Variants in PALM2AKAP2 observed in about 807,000 individuals in gnomAD.
PALM2AKAP2 encodes the protein PALM2-AKAP2 fusion protein.
Under a neutral mutation model 71.5 loss-of-function variants are expected in PALM2AKAP2, and 37 were observed. The ratio of observed to expected loss-of-function variants is 0.52; its 90% confidence interval spans 0.40 to 0.68. PALM2AKAP2 has a LOEUF of 0.68. Ranked by LOEUF, PALM2AKAP2 falls within the 30% of genes least tolerant of loss-of-function variation. The probability of loss-of-function intolerance (pLI) is 0.00; values close to 1 mark genes in which losing one functional copy is unlikely to be tolerated. For synonymous variants in PALM2AKAP2, 468 were observed against 478.8 expected, an observed-to-expected ratio of 0.98 and a Z score of 0.29; for missense variants, 1,224 against 1,191.8, an observed-to-expected ratio of 1.03 and a Z score of -0.40.
At chr9:109,698,504 C>G (rs1828006539) in intron 1 of PALM2AKAP2, among the ~76,000 whole-genome samples, 1 of 152,130 alleles carries the variant, frequency 6.6e-6, no homozygotes, top group Non-Finnish European at 1.5e-5. Context: ...GTCTTGAACC[C>G]CTGACCTCAA....
chr9:110,026,013 C>T (rs989157309), intron 7 of PALM2AKAP2, among the ~76,000 whole-genome samples: 2 of 152,162 alleles, frequency 1.3e-5, no homozygotes, highest in Admixed American at 6.6e-5. Flanking sequence ...CTCTCCACCA[C>T]TACGTCCCTC....
intron 1 of PALM2AKAP2, among the ~76,000 whole-genome samples, chr9:110,123,504 A>C (rs929404459): frequency 1.3e-5 from 2 of 152,162 alleles, no homozygotes; most frequent in Non-Finnish European, 2.9e-5. Flanking sequence ...TCTCCAAATA[A>C]GGTCACATTC....
chr9:109,720,350 G>A (rs928214320), intron 1 of PALM2AKAP2, among the ~76,000 whole-genome samples: 2 of 152,148 alleles, frequency 1.3e-5, no homozygotes, highest in Admixed American at 6.5e-5. Context: ...GGGAACAGAT[G>A]ATGTGAAGGG....
intron 1 of PALM2AKAP2, among the ~76,000 whole-genome samples, chr9:109,683,454 G>T (rs1357580542): frequency 6.6e-6 from 1 of 152,150 alleles, no homozygotes; most frequent in Non-Finnish European, 1.5e-5. Flanking sequence ...AGAAAGGATT[G>T]CTAACCTCCA....
chr9:110,051,318 G>A (rs1215647733), intron 1 of PALM2AKAP2, among the ~76,000 whole-genome samples: 3 of 152,152 alleles, frequency 2.0e-5, no homozygotes, highest in Admixed American at 6.5e-5. Flanking sequence ...TCTTAACTTC[G>A]TTGTCAAATG....
At chr9:109,962,642 A>AT (rs397894684) in intron 6 of PALM2AKAP2, among the ~76,000 whole-genome samples, 2,100 of 142,896 alleles carry the variant, frequency 0.015, 19 homozygotes, top group African/African-American at 0.03. Context: ...AACTGTGCCA[A>AT]TTTTTTTTTT....
chr9:109,911,819 T>C lies in PALM2AKAP2; in HGVS notation c.258-11916T>C, dbSNP rs564234914. ...AGGTACAGTAACACAAAATATATAG[T>C]CCTATCTCTTAATAAGCCTGCACTT... On this transcript the variant is annotated intron_variant, in intron 3 of 9. Coordinates refer to the PALM2AKAP2 transcript ENST00000302798. 1.5e-3 allele frequency among the ~76,000 whole-genome samples: 221 copies of C among 151,228 alleles called. 2 individuals are homozygous for C. The South Asian group carries it at 0.023, about 16-fold the overall frequency.
chr9:109,688,166 G>A (rs751193913), intron 1 of PALM2AKAP2, among the ~76,000 whole-genome samples: 23 of 152,238 alleles, frequency 1.5e-4, no homozygotes, highest in Non-Finnish European at 2.8e-4. Flanking sequence ...ATGCGACATA[G>A]AGACACGAAG....
At chr9:109,971,912 C>G (rs969291237) in intron 6 of PALM2AKAP2, among the ~76,000 whole-genome samples, 2 of 152,126 alleles carry the variant, frequency 1.3e-5, no homozygotes, top group African/African-American at 2.4e-5. Flanking sequence ...AACTCCTGCC[C>G]GTTGAAAGAT....
intron 6 of PALM2AKAP2, among the ~76,000 whole-genome samples, chr9:109,969,811 C>T (rs1273602382): frequency 1.3e-5 from 2 of 151,528 alleles, no homozygotes; most frequent in Non-Finnish European, 2.9e-5. Flanking sequence ...GTGCAGCCTA[C>T]AGCCCCTCCC....
intron 1 of PALM2AKAP2, among the ~76,000 whole-genome samples, chr9:109,657,596 G>T (rs901870070): frequency 1.3e-5 from 2 of 152,046 alleles, no homozygotes; most frequent in African/African-American, 2.4e-5. Context: ...TACCCATACT[G>T]TGTAAACACA....
At chr9:109,751,166 A>T (rs1398896998) in intron 1 of PALM2AKAP2, among the ~76,000 whole-genome samples, 1 of 152,192 alleles carries the variant, frequency 6.6e-6, no homozygotes, top group African/African-American at 2.4e-5. Context: ...AAATGTCTAA[A>T]CTGAGTGGGG....
intron 1 of PALM2AKAP2, among the ~76,000 whole-genome samples, chr9:109,838,000 C>A (rs141937351): frequency 0.018 from 2,713 of 152,260 alleles, 34 homozygotes; most frequent in South Asian, 0.031. Flanking sequence ...ATATCCAGGA[C>A]TTGAACTCAG....
chr9:109,781,124 C>G (rs1324425390), intron 1 of PALM2AKAP2, among the ~76,000 whole-genome samples: 1 of 152,192 alleles, frequency 6.6e-6, no homozygotes, highest in Non-Finnish European at 1.5e-5. Flanking sequence ...CCATGAGAGC[C>G]TCCTTCTTAT....
chr9:110,135,160 AAAAAATATAT>A (rs1238959173), intron 1 of PALM2AKAP2, among the ~76,000 whole-genome samples: 1 of 50,560 alleles, frequency 2.0e-5, no homozygotes, highest in African/African-American at 7.9e-5. Context: ...TACAAAAAAA[AAAAAATATAT>A]AAATATATAT....
intron 1 of PALM2AKAP2, among the ~76,000 whole-genome samples, chr9:109,681,743 G>C (rs1395067100): frequency 6.6e-6 from 1 of 152,118 alleles, no homozygotes; most frequent in Non-Finnish European, 1.5e-5. Flanking sequence ...AAATATCACT[G>C]TTTCCTTCAA....
chr9:109,732,331 G>T (rs1828569240), intron 1 of PALM2AKAP2, among the ~76,000 whole-genome samples: 1 of 152,184 alleles, frequency 6.6e-6, no homozygotes, highest in Non-Finnish European at 1.5e-5. Context: ...TGAAAGCTCA[G>T]CTGTGTCTTC....
chr9:110,028,539 C>T (rs973265242), intron 7 of PALM2AKAP2, among the ~76,000 whole-genome samples: 1 of 152,118 alleles, frequency 6.6e-6, no homozygotes, highest in African/African-American at 2.4e-5. Flanking sequence ...GGCTGTGGCA[C>T]AGTAAAGTAA....
chr9:109,983,940 GAAA>G (rs1832325322), intron 6 of PALM2AKAP2, among the ~76,000 whole-genome samples: 1 of 151,908 alleles, frequency 6.6e-6, no homozygotes, highest in Admixed American at 6.6e-5. Context: ...AATTCATATA[GAAA>G]ACAAGTATTC....
Sources: allele counts gnomAD v4.1 joint callset (sites outside exome capture counted in the v4.1 genomes callset), GRCh38; gene constraint gnomAD v4.1.1; transcripts MANE v1.5; gene names NCBI Gene and HGNC (gene_info 2026-07-23, HGNC 2026-07-21).